ATP8A2: variants seen among roughly 807,000 people sequenced by gnomAD.
ATP8A2 encodes phospholipid-transporting ATPase IB.
In ATP8A2, 100 loss-of-function variants were observed where a neutral mutation model predicts 165.6. That is an observed-to-expected ratio of 0.60 (90% CI 0.51 to 0.71). The LOEUF (loss-of-function observed/expected upper bound fraction) is 0.71, where lower values mean the gene tolerates loss of function less well. Among genes scored for constraint, ATP8A2 ranks in the 30% least tolerant of loss-of-function variants. The probability of loss-of-function intolerance (pLI) is 0.00; values close to 1 mark genes in which losing one functional copy is unlikely to be tolerated. For synonymous variants in ATP8A2, 543 were observed against 548.8 expected (o/e 0.99, Z 0.15); for missense variants, 1,227 against 1,479.5 (o/e 0.83, Z 2.80).
intron 2 of ATP8A2, among the ~76,000 whole-genome samples, chr13:25,509,682 A>T (rs1365170453): frequency 6.6e-6 from 1 of 152,210 alleles, no homozygotes; most frequent in Non-Finnish European, 1.5e-5. Flanking sequence ...TACATGTTGT[A>T]TACAAATTGC....
At chr13:25,576,114 C>A (rs969320334) in intron 19 of ATP8A2, among the ~76,000 whole-genome samples, 2 of 152,108 alleles carry the variant, frequency 1.3e-5, no homozygotes, top group African/African-American at 4.8e-5. Flanking sequence ...ACACGGGTTT[C>A]AAGAACTGCT....
At chr13:25,977,629 C>T (rs1373310071) in intron 35 of ATP8A2, among the ~76,000 whole-genome samples, 1 of 151,996 alleles carries the variant, frequency 6.6e-6, no homozygotes, top group Non-Finnish European at 1.5e-5. Flanking sequence ...ATTCCAAGAG[C>T]CTGTTGTTGT....
intron 36 of ATP8A2, among the ~76,000 whole-genome samples, chr13:26,016,996 C>T (rs1327425165): frequency 2.0e-5 from 3 of 152,186 alleles, no homozygotes; most frequent in Non-Finnish European, 4.4e-5. Context: ...TAGAACCACC[C>T]TTTGTTTCCT....
chr13:26,006,447 AT>A (rs1956739537), intron 35 of ATP8A2, among the ~76,000 whole-genome samples: 1 of 152,034 alleles, frequency 6.6e-6, no homozygotes, highest in Non-Finnish European at 1.5e-5. Context: ...AGATCATGTC[AT>A]GTACAAATAG....
intron 29 of ATP8A2, among the ~76,000 whole-genome samples, chr13:25,837,540 A>G (rs1256494513): frequency 2.0e-5 from 3 of 151,514 alleles, no homozygotes; most frequent in Non-Finnish European, 2.9e-5. Flanking sequence ...TGCAACCTCC[A>G]GTCCCAGCAT....
intron 25 of ATP8A2, among the ~76,000 whole-genome samples, chr13:25,746,074 A>G (rs2146577): frequency 0.35 from 53,984 of 152,104 alleles, 10,010 homozygotes; most frequent in East Asian, 0.49. Flanking sequence ...TACCCAAGAG[A>G]TACCCTGTTG....
At chr13:25,824,582 T>C (rs1166447808) in intron 27 of ATP8A2, among the ~76,000 whole-genome samples, 1 of 152,200 alleles carries the variant, frequency 6.6e-6, no homozygotes, top group East Asian at 1.9e-4. Flanking sequence ...CACTTCCTGC[T>C]CTGGTCTCCT....
At chr13:25,837,892 G>A (rs1205681574) in intron 29 of ATP8A2, among the ~76,000 whole-genome samples, 1 of 152,208 alleles carries the variant, frequency 6.6e-6, no homozygotes, top group Non-Finnish European at 1.5e-5. Flanking sequence ...CCAAAGCTGG[G>A]TGGGGTGTTA....
At chr13:25,885,105 C>CTTTTTTTTT (rs869044168) in intron 33 of ATP8A2, among the ~76,000 whole-genome samples, 10 of 88,600 alleles carry the variant, frequency 1.1e-4, no homozygotes, top group Admixed American at 3.0e-4. Context: ...TCTCCGCTTG[C>CTTTTTTTTT]TTTTTTTTTT....
At chr13:25,594,436 A>G (rs537769065) in intron 24 of ATP8A2, among the ~76,000 whole-genome samples, 10 of 152,146 alleles carry the variant, frequency 6.6e-5, no homozygotes, top group African/African-American at 2.4e-4. Context: ...AAAATTTTTT[A>G]TTTCTATAGG....
intron 2 of ATP8A2, among the ~76,000 whole-genome samples, chr13:25,519,352 G>T (rs769899485): frequency 2.6e-5 from 4 of 151,822 alleles, no homozygotes; most frequent in African/African-American, 7.3e-5. Flanking sequence ...TATTCATCAC[G>T]ATCTATGCTG....
Position 26,022,156 on chromosome 13 carries a change from G to C in ATP8A2, c.*2171G>C, listed in dbSNP as rs1396348344. 6.6e-6 allele frequency: 1 copy of C among 152,182 alleles called. No individual in the cohort carries two copies. The highest frequency in any genetic ancestry group is 1.5e-5 in the Non-Finnish European group (1 of 68,044). 9.4% of individuals were successfully genotyped at this position (152,182 alleles called of 1,614,324 possible). On this transcript the variant is annotated 3_prime_UTR_variant, in exon 37 of 37. Coordinates refer to ENST00000381655, the MANE Select transcript of ATP8A2 (RefSeq NM_016529.6). Reference sequence around the variant, plus strand: ...CACAAAATGTGCCTATGACTAACACGACAAACCAAGGTGTATGGTTTCTTT... The same window carrying C: ...CACAAAATGTGCCTATGACTAACACCACAAACCAAGGTGTATGGTTTCTTT...
intron 1 of ATP8A2, among the ~76,000 whole-genome samples, chr13:25,446,179 G>A (rs17082325): frequency 0.046 from 6,974 of 152,126 alleles, 198 homozygotes; most frequent in East Asian, 0.094. Flanking sequence ...CTGGCTGTCC[G>A]TCCAGGCCTG....
chr13:25,414,132 G>C (rs2034061339), intron 1 of ATP8A2, among the ~76,000 whole-genome samples: 1 of 150,886 alleles, frequency 6.6e-6, no homozygotes, highest in Admixed American at 6.6e-5. Context: ...AACTAGAACT[G>C]TGATTACAAC....
intron 1 of ATP8A2, among the ~76,000 whole-genome samples, chr13:25,375,545 T>G (rs948315948): frequency 6.6e-6 from 1 of 151,968 alleles, no homozygotes; most frequent in African/African-American, 2.4e-5. Context: ...AGGCAGGAAG[T>G]GCACAGACCA....
At chr13:25,377,325 C>G (rs968689433) in intron 1 of ATP8A2, among the ~76,000 whole-genome samples, 3 of 152,148 alleles carry the variant, frequency 2.0e-5, no homozygotes, top group African/African-American at 7.2e-5. Context: ...TTAAGAAGGG[C>G]TAAAAATAAA....
intron 24 of ATP8A2, among the ~76,000 whole-genome samples, chr13:25,690,728 G>A (rs2042705677): frequency 6.6e-6 from 1 of 152,158 alleles, no homozygotes; most frequent in Non-Finnish European, 1.5e-5. Context: ...GCTCACCTGG[G>A]AACCCACAGT....
At chr13:25,759,985 T>A (rs994537908) in intron 25 of ATP8A2, among the ~76,000 whole-genome samples, 1 of 152,176 alleles carries the variant, frequency 6.6e-6, no homozygotes, top group African/African-American at 2.4e-5. Context: ...TACCGATGCA[T>A]AAATTCTGAA....
chr13:25,796,783 A>G (rs1950507295), intron 27 of ATP8A2, among the ~76,000 whole-genome samples: 1 of 152,212 alleles, frequency 6.6e-6, no homozygotes, highest in Admixed American at 6.5e-5. Context: ...TGGACATTGT[A>G]GCCAAGAACA....
Sources: gnomAD v4.1 joint callset for allele counts (sites outside exome capture counted in the v4.1 genomes callset) on GRCh38, gnomAD v4.1.1 for gene constraint, MANE v1.5 for transcripts, NCBI Gene and HGNC (gene_info 2026-07-23, HGNC 2026-07-21) for gene names.